KMT5B: variants seen among roughly 807,000 people sequenced by gnomAD.
The protein encoded by KMT5B is histone-lysine N-methyltransferase KMT5B.
Under a neutral mutation model 83.2 loss-of-function variants are expected in KMT5B, and 10 were observed. That is an observed-to-expected ratio of 0.12 (90% confidence interval 0.07 to 0.20). The LOEUF is 0.20. KMT5B is among the 10% of genes least tolerant of loss of function. The pLI is 1.00. For missense variants in KMT5B, 753 were observed against 1,067.2 expected (o/e 0.71, Z 4.10); for synonymous variants, 349 against 388.8 (o/e 0.90, Z 1.20).
intron 10 of KMT5B, among the ~76,000 whole-genome samples, chr11:68,164,915 CT>C (rs1855180520): frequency 6.6e-6 from 1 of 151,768 alleles, no homozygotes; most frequent in African/African-American, 2.4e-5. Context: ...CTTTGTATGT[CT>C]TCAAGAACTA....
At chr11:68,168,673 T>C (rs1855551729) in intron 9 of KMT5B, among the ~76,000 whole-genome samples, 1 of 152,206 alleles carries the variant, frequency 6.6e-6, no homozygotes. Context: ...TGTGCAGTAC[T>C]TATGAACATA....
At chr11:68,163,820 C>T (rs976349752) in intron 10 of KMT5B, among the ~76,000 whole-genome samples, 1 of 152,188 alleles carries the variant, frequency 6.6e-6, no homozygotes, top group Non-Finnish European at 1.5e-5. Context: ...GAAAAGTGTT[C>T]AGATCAACTC....
In KMT5B at chr11:68,155,209, G is replaced by C. The variant is rs955747816; in HGVS notation, c.*2479C>G. ...GCAACCTCTTCTAAACTGGTCAACG[G>C]TGTGTGGCTGTCACCATTCCACACG... is the stretch of plus-strand genomic sequence containing the variant. On this transcript the variant is annotated 3_prime_UTR_variant, in exon 11 of 11. Transcript: ENST00000304363. 6.6e-6 allele frequency: 1 copy of C among 152,132 alleles called. No individual in the cohort carries two copies. The highest frequency in any genetic ancestry group is 1.5e-5 in the Non-Finnish European group (1 of 68,028). The allele number at this position is 152,132 out of a possible 1,614,324, so 9.4% of individuals were successfully genotyped here.
intron 9 of KMT5B, among the ~76,000 whole-genome samples, chr11:68,170,690 G>A (rs186023989): frequency 3.3e-5 from 5 of 152,164 alleles, no homozygotes; most frequent in African/African-American, 7.2e-5. Context: ...TTTGAGTAGC[G>A]GCAACCCCAT....
intron 1 of KMT5B, among the ~76,000 whole-genome samples, chr11:68,195,829 A>G (rs1010212141): frequency 6.6e-6 from 1 of 152,150 alleles, no homozygotes; most frequent in Admixed American, 6.5e-5. Context: ...TTAGTTATAT[A>G]TGTGTAAATG....
At chr11:68,210,858 T>C (rs751259243) in intron 1 of KMT5B, among the ~76,000 whole-genome samples, 2 of 152,240 alleles carry the variant, frequency 1.3e-5, no homozygotes, top group Non-Finnish European at 2.9e-5. Context: ...GGGGAACTCC[T>C]GACCACGGAG....
intron 10 of KMT5B, among the ~76,000 whole-genome samples, chr11:68,163,773 G>C (rs1855056206): frequency 6.6e-6 from 1 of 152,202 alleles, no homozygotes; most frequent in African/African-American, 2.4e-5. Flanking sequence ...ACCTGGAACG[G>C]GGTGTTAGAA....
intron 1 of KMT5B, among the ~76,000 whole-genome samples, chr11:68,207,372 A>C (rs1203011330): frequency 6.6e-6 from 1 of 152,214 alleles, no homozygotes; most frequent in Non-Finnish European, 1.5e-5. Flanking sequence ...TACAAACATC[A>C]CTGCCCTTTA....
intron 1 of KMT5B, among the ~76,000 whole-genome samples, chr11:68,201,129 C>T (rs1010417601): frequency 5.9e-5 from 9 of 152,092 alleles, no homozygotes; most frequent in African/African-American, 1.9e-4. Flanking sequence ...GTATTTAAAG[C>T]GGAAACTCCT....
chr11:68,209,564 AAC>A (rs1860608413), intron 1 of KMT5B, among the ~76,000 whole-genome samples: 1 of 152,176 alleles, frequency 6.6e-6, no homozygotes, highest in Admixed American at 6.5e-5. Context: ...ACAAGGTAGA[AAC>A]ACAGGTGTCA....
At chr11:68,174,184 C>T in intron 5 of KMT5B, 1 of 547,856 alleles carries the variant, frequency 1.8e-6, no homozygotes, top group Non-Finnish European at 3.5e-6. Flanking sequence ...TGCACTCCAG[C>T]CTGGGTGACA....
chr11:68,197,970 T>C (rs1858921279), intron 1 of KMT5B, among the ~76,000 whole-genome samples: 1 of 152,224 alleles, frequency 6.6e-6, no homozygotes, highest in Non-Finnish European at 1.5e-5. Context: ...AATGATCAGG[T>C]CATCATTTGT....
At chr11:68,202,094 C>T (rs941819463) in intron 1 of KMT5B, among the ~76,000 whole-genome samples, 1 of 151,954 alleles carries the variant, frequency 6.6e-6, no homozygotes, top group East Asian at 1.9e-4. Flanking sequence ...CAGGTTCTAG[C>T]CTGTTAGAGG....
intron 10 of KMT5B, chr11:68,166,359 CT>C: frequency 9.7e-7 from 1 of 1,028,820 alleles, no homozygotes; most frequent in Non-Finnish European, 1.2e-6. Flanking sequence ...CCACTGGAAT[CT>C]CAGAGGTTGC....
chr11:68,155,950 T>C lies in KMT5B; in HGVS notation c.*1738A>G, dbSNP rs1859265687. ...CTTAGAGAACCAGGAGAAAACAATC[T>C]ACTTTCTAAAAATGTTCATGAGTCT... On this transcript the variant is annotated 3_prime_UTR_variant, in exon 11 of 11. Transcript: ENST00000304363. 1.3e-5 allele frequency: 2 copies of C among 152,228 alleles called. No individual in the cohort carries two copies. The highest frequency in any genetic ancestry group is 2.9e-5 in the Non-Finnish European group (2 of 68,048). 9.4% of individuals were successfully genotyped at this position (152,228 alleles called of 1,614,324 possible). A position where few individuals can be genotyped will look rare whatever the true frequency, so the allele number is the denominator to read the frequency against.
chr11:68,157,981 CCCT>C lies in KMT5B; in HGVS notation c.2362_2364del (p.Arg788del), dbSNP rs1320698497. 5.6e-6 allele frequency: 9 copies of C among 1,613,990 alleles called. No individual in the cohort carries two copies. Among genetic ancestry groups the C allele is most frequent in the Middle Eastern group, 3.3e-4 (2 of 6,084 alleles). ...TCATGAAGCCCCTCTGTATAAGACCCCCTATTTTCCTCATCTCGTTTTAGCTGG... is the reference window on the plus strand; with the variant it reads ...TCATGAAGCCCCTCTGTATAAGACCCATTTTCCTCATCTCGTTTTAGCTGG... On this transcript the variant is annotated inframe_deletion, in exon 11 of 11. Coordinates refer to ENST00000304363, the MANE Select transcript of KMT5B (RefSeq NM_017635.5).
intron 1 of KMT5B, among the ~76,000 whole-genome samples, chr11:68,194,482 T>C (rs1858478286): frequency 6.6e-6 from 1 of 152,098 alleles, no homozygotes; most frequent in Admixed American, 6.6e-5. Context: ...CATGAGCCAT[T>C]GTGCCCGGCC....
intron 3 of KMT5B, among the ~76,000 whole-genome samples, chr11:68,182,200 T>C (rs1325370469): frequency 6.6e-6 from 1 of 152,196 alleles, no homozygotes; most frequent in Non-Finnish European, 1.5e-5. Context: ...TATGACTACA[T>C]AGTTTTACGT....
intron 1 of KMT5B, among the ~76,000 whole-genome samples, chr11:68,209,740 G>A (rs1374893318): frequency 6.6e-6 from 1 of 152,120 alleles, no homozygotes; most frequent in Non-Finnish European, 1.5e-5. Flanking sequence ...AAGTGGTAAG[G>A]GTGGGTCTAA....
Sources: gnomAD v4.1 joint callset for allele counts (sites outside exome capture counted in the v4.1 genomes callset) on GRCh38, gnomAD v4.1.1 for gene constraint, MANE v1.5 for transcripts, NCBI Gene and HGNC (gene_info 2026-07-23, HGNC 2026-07-21) for gene names.